The following MAGI2 variants were observed in gnomAD, a reference collection of about 807,000 sequenced individuals.
The protein encoded by MAGI2 is membrane associated guanylate kinase, WW and PDZ domain containing 2, also known as membrane-associated guanylate kinase, WW and PDZ domain-containing protein 2.
A neutral mutation model predicts 133.3 loss-of-function variants in MAGI2; 35 were observed. The observed-to-expected ratio is 0.26, with a 90% CI of 0.20 to 0.35. The LOEUF (loss-of-function observed/expected upper bound fraction) is 0.35. Ranked by LOEUF, MAGI2 falls within the 10% of genes least tolerant of loss-of-function variation. MAGI2 has a pLI of 1.00. For missense variants in MAGI2, 1,636 were observed against 1,863.4 expected (o/e 0.88, Z 2.25); for synonymous variants, 729 against 710.6 (o/e 1.03, Z -0.41).
chr7:78,368,876 T>C (rs1179803458), intron 7 of MAGI2, among the ~76,000 whole-genome samples: 1 of 152,184 alleles, frequency 6.6e-6, no homozygotes, highest in East Asian at 1.9e-4. Context: ...ATGAAAGGCA[T>C]TTACTTTGAT....
chr7:78,105,868 T>G (rs576892999), intron 20 of MAGI2, among the ~76,000 whole-genome samples: 126 of 152,244 alleles, frequency 8.3e-4, no homozygotes, highest in African/African-American at 3.0e-3. Flanking sequence ...CAGAAACATT[T>G]CAATTCTACT....
At chr7:78,107,668 CATT>C (rs1818833872) in intron 20 of MAGI2, among the ~76,000 whole-genome samples, 1 of 151,830 alleles carries the variant, frequency 6.6e-6, no homozygotes, top group African/African-American at 2.4e-5. Context: ...GCCTCAATCT[CATT>C]ATTTGTTACT....
chr7:78,095,426 T>C (rs1194850457), intron 20 of MAGI2, among the ~76,000 whole-genome samples: 1 of 152,152 alleles, frequency 6.6e-6, no homozygotes, highest in African/African-American at 2.4e-5. Context: ...CCTTTTGTAG[T>C]GTCCACTCAA....
intron 1 of MAGI2, among the ~76,000 whole-genome samples, chr7:79,093,459 A>T (rs1050213704): frequency 3.3e-5 from 5 of 152,140 alleles, no homozygotes; most frequent in African/African-American, 9.7e-5. Context: ...TATAAAAGTT[A>T]TATCTACACC....
intron 1 of MAGI2, among the ~76,000 whole-genome samples, chr7:79,416,180 C>A (rs2190179): frequency 0.39 from 58,962 of 151,930 alleles, 13,657 homozygotes; most frequent in African/African-American, 0.64. Flanking sequence ...CAATATTACA[C>A]GCCAAATTTT....
At chr7:79,072,427 C>G (rs998076539) in intron 1 of MAGI2, among the ~76,000 whole-genome samples, 19 of 152,232 alleles carry the variant, frequency 1.2e-4, no homozygotes, top group African/African-American at 4.3e-4. Context: ...AGCAGAACTA[C>G]CCTTCAATTT....
chr7:78,186,915 T>G lies in MAGI2; in HGVS notation c.2270-1245A>C, dbSNP rs981488754. On this transcript the variant is annotated intron_variant, in intron 12 of 21. Transcript: ENST00000354212. ...TTCATGGTTCTGTCAGTAGAGAATT[T>G]CCTAAACCACACAACTGGGTTTAAT... Among the ~76,000 whole-genome samples the G allele has an allele frequency of 2.0e-5, 3 of 152,128 alleles. No individual in the cohort carries two copies. The East Asian group carries it at 5.8e-4, about 29-fold the overall frequency.
At chr7:79,290,299 A>T (rs1026817711) in intron 1 of MAGI2, among the ~76,000 whole-genome samples, 1 of 151,976 alleles carries the variant, frequency 6.6e-6, no homozygotes, top group East Asian at 1.9e-4. Context: ...CCTTTAAACT[A>T]AGCTTCGATC....
At chr7:78,288,698 C>T (rs1029484324) in intron 9 of MAGI2, among the ~76,000 whole-genome samples, 2 of 152,238 alleles carry the variant, frequency 1.3e-5, no homozygotes, top group African/African-American at 4.8e-5. Context: ...GAGGCATCTC[C>T]CAGTAGGGGC....
At chr7:78,846,812 A>G (rs560296192) in intron 2 of MAGI2, among the ~76,000 whole-genome samples, 1 of 152,110 alleles carries the variant, frequency 6.6e-6, no homozygotes, top group East Asian at 1.9e-4. Flanking sequence ...GTGGCTCAGG[A>G]AAGTACTGAA....
chr7:79,450,330 G>T (rs1394281556), intron 1 of MAGI2, among the ~76,000 whole-genome samples: 1 of 151,044 alleles, frequency 6.6e-6, no homozygotes, highest in South Asian at 2.1e-4. Flanking sequence ...CTATAGTAAA[G>T]GTTCTGAAAA....
intron 3 of MAGI2, among the ~76,000 whole-genome samples, chr7:78,552,493 T>C (rs564246853): frequency 1.3e-5 from 2 of 152,296 alleles, no homozygotes; most frequent in Middle Eastern, 3.4e-3. Flanking sequence ...ATTTTCCTTT[T>C]AACTCAGAAA....
chr7:78,891,301 A>G (rs183647267), intron 2 of MAGI2, among the ~76,000 whole-genome samples: 3 of 152,204 alleles, frequency 2.0e-5, no homozygotes, highest in Non-Finnish European at 2.9e-5. Flanking sequence ...CCAAAGGTAC[A>G]AGGAGGAGCT....
intron 10 of MAGI2, among the ~76,000 whole-genome samples, chr7:78,232,008 T>G (rs551170908): frequency 6.7e-6 from 1 of 150,306 alleles, no homozygotes; most frequent in Non-Finnish European, 1.5e-5. Context: ...TGGGGGAGGG[T>G]GGGATGGCCT....
At chr7:79,070,570 CA>C (rs1247785313) in intron 1 of MAGI2, among the ~76,000 whole-genome samples, 2 of 152,066 alleles carry the variant, frequency 1.3e-5, no homozygotes, top group East Asian at 3.9e-4. Context: ...CGGCTCACTG[CA>C]AGCTCCACCT....
Position 78,984,024 on chromosome 7 carries a change from C to T in MAGI2, c.418+23066G>A, listed in dbSNP as rs549158477. On this transcript the variant is annotated intron_variant, in intron 2 of 21. Coordinates refer to ENST00000354212, the MANE Select transcript of MAGI2 (RefSeq NM_012301.4). ...AACTCAAATTTAATATTTCCCTCCTCAAACCTGTTTCTCTTGTAGACTTTG... is the reference window on the plus strand; with the variant it reads ...AACTCAAATTTAATATTTCCCTCCTTAAACCTGTTTCTCTTGTAGACTTTG... Among the ~76,000 whole-genome samples, 4 of 152,158 alleles carry T rather than the reference C, an allele frequency of 2.6e-5. No individual in the cohort carries two copies. The South Asian group carries it at 8.3e-4, about 32-fold the overall frequency.
At chr7:78,747,803 G>A (rs779474298) in intron 2 of MAGI2, among the ~76,000 whole-genome samples, 11 of 152,148 alleles carry the variant, frequency 7.2e-5, no homozygotes, top group Non-Finnish European at 1.6e-4. Flanking sequence ...GTTAGCACAG[G>A]GCCTGTTTTC....
rs540187921 is a variant in MAGI2 at position 79,264,485 on chromosome 7, G to A, written c.301+188535C>T. Among the ~76,000 whole-genome samples, 56 of 152,108 alleles carry A rather than the reference G, an allele frequency of 3.7e-4. 1 individual carries two copies. Among genetic ancestry groups the A allele is most frequent in the African/African-American group, 1.2e-3 (50 of 41,486 alleles). ...TTGTTATTATCTGATTATTAAGCAG[G>A]CATATAACTAATTATATTGCCTAAT... On this transcript the variant is annotated intron_variant, in intron 1 of 21. Coordinates refer to ENST00000354212, the MANE Select transcript of MAGI2 (RefSeq NM_012301.4).
At chr7:78,979,379 T>C (rs1804585990) in intron 2 of MAGI2, among the ~76,000 whole-genome samples, 1 of 151,714 alleles carries the variant, frequency 6.6e-6, no homozygotes, top group South Asian at 2.1e-4. Context: ...TGGGATTATA[T>C]CAAAGTGACA....
Sources: gnomAD v4.1 joint callset for allele counts (sites outside exome capture counted in the v4.1 genomes callset) on GRCh38, gnomAD v4.1.1 for gene constraint, MANE v1.5 for transcripts, NCBI Gene and HGNC (gene_info 2026-07-23, HGNC 2026-07-21) for gene names.